The following NRXN3 variants were observed in gnomAD, a reference collection of about 807,000 sequenced individuals.
The protein encoded by NRXN3 is neurexin 3, also known as neurexin III.
Under a neutral mutation model 137.6 loss-of-function variants are expected in NRXN3, and 32 were observed. The ratio of observed to expected loss-of-function variants is 0.23; its 90% CI spans 0.18 to 0.31. The LOEUF (loss-of-function observed/expected upper bound fraction) is 0.31, where lower values mean the gene tolerates loss of function less well. Ranked by LOEUF, NRXN3 falls within the 10% of genes least tolerant of loss-of-function variation. The pLI is 1.00. For synonymous variants in NRXN3, 798 were observed against 784.5 expected, an observed-to-expected ratio of 1.02 and a Z score of -0.29; for missense variants, 1,574 against 2,062.5, an observed-to-expected ratio of 0.76 and a Z score of 4.59.
At chr14:79,445,978 T>A (rs1235090460) in intron 15 of NRXN3, among the ~76,000 whole-genome samples, 1 of 152,092 alleles carries the variant, frequency 6.6e-6, no homozygotes, top group Non-Finnish European at 1.5e-5. Context: ...CAGGCCTCCT[T>A]AAAGATCCAT....
chr14:79,648,958 T>C (rs1373558676), intron 16 of NRXN3, among the ~76,000 whole-genome samples: 2 of 152,194 alleles, frequency 1.3e-5, no homozygotes, highest in Admixed American at 1.3e-4. Flanking sequence ...AGAAAGTTTT[T>C]TGAAGTCAAT....
intron 15 of NRXN3, among the ~76,000 whole-genome samples, chr14:79,366,980 CTTTTTTTT>C: frequency 8.8e-6 from 1 of 113,216 alleles, no homozygotes; most frequent in East Asian, 2.7e-4. Context: ...GTCCCTTAGT[CTTTTTTTT>C]TTTTTTTTTT....
chr14:79,501,082 G>C (rs921263834), intron 16 of NRXN3, among the ~76,000 whole-genome samples: 2 of 152,104 alleles, frequency 1.3e-5, no homozygotes, highest in African/African-American at 4.8e-5. Context: ...GTTCCAACAG[G>C]CCTAGGGATC....
Position 79,482,074 on chromosome 14 carries a change from T to C in NRXN3, c.3444+14672T>C, listed in dbSNP as rs1225179575. Among the ~76,000 whole-genome samples, 6 of 152,310 alleles carry C rather than the reference T, an allele frequency of 3.9e-5. No homozygotes were observed. The East Asian group carries it at 1.2e-3, about 29-fold the overall frequency. ...GCAAATCTTGTGACCTCCGGAATAA[T>C]GGTTGGTAATTATTTAACTCTGCCT... On this transcript the variant is annotated intron_variant, in intron 16 of 20. Coordinates refer to ENST00000335750, the MANE Select transcript of NRXN3 (RefSeq NM_001330195.2).
At chr14:78,917,363 G>A (rs1036811130) in intron 10 of NRXN3, among the ~76,000 whole-genome samples, 2 of 152,188 alleles carry the variant, frequency 1.3e-5, no homozygotes, top group Non-Finnish European at 2.9e-5. Flanking sequence ...TGGATACTAG[G>A]GTTATTACCT....
At chr14:79,670,120 C>T in intron 17 of NRXN3, among the ~76,000 whole-genome samples, 1 of 151,978 alleles carries the variant, frequency 6.6e-6, no homozygotes, top group South Asian at 2.1e-4. Context: ...TCATTCAGTC[C>T]TCACTCCAAC....
At chr14:79,367,623 G>C (rs574290049) in intron 15 of NRXN3, among the ~76,000 whole-genome samples, 1 of 152,238 alleles carries the variant, frequency 6.6e-6, no homozygotes, top group African/African-American at 2.4e-5. Context: ...GTCAGACACA[G>C]TGCCAAAGAT....
At chr14:79,051,229 A>T (rs2099641447) in intron 15 of NRXN3, among the ~76,000 whole-genome samples, 1 of 152,186 alleles carries the variant, frequency 6.6e-6, no homozygotes, top group South Asian at 2.1e-4. Context: ...CTGAAAAAAA[A>T]ATAGCTAAAA....
At chr14:79,766,301 C>A (rs540703778) in intron 19 of NRXN3, among the ~76,000 whole-genome samples, 1 of 152,314 alleles carries the variant, frequency 6.6e-6, no homozygotes, top group African/African-American at 2.4e-5. Context: ...GTGGCTGCCA[C>A]TCTATCTAGT....
chr14:78,925,575 G>A (rs1197462218), intron 10 of NRXN3, among the ~76,000 whole-genome samples: 2 of 152,168 alleles, frequency 1.3e-5, no homozygotes, highest in Admixed American at 6.5e-5. Context: ...TGTCAACACA[G>A]GTGACCCCTC....
At chr14:79,750,207 C>T (rs1178915768) in intron 19 of NRXN3, among the ~76,000 whole-genome samples, 6 of 152,222 alleles carry the variant, frequency 3.9e-5, no homozygotes, top group Non-Finnish European at 7.4e-5. Flanking sequence ...AATAGGGACT[C>T]AGCCTAGTTG....
At chr14:79,217,192 A>G (rs1050861116) in intron 15 of NRXN3, among the ~76,000 whole-genome samples, 8 of 150,818 alleles carry the variant, frequency 5.3e-5, no homozygotes, top group African/African-American at 1.9e-4. Flanking sequence ...CCAAAGTTCT[A>G]TAGGCTGTAT....
At chr14:78,988,331 A>C (rs1195736186) in intron 15 of NRXN3, 190 bp downstream of exon 15, 1 of 652,312 alleles carries the variant, frequency 1.5e-6, no homozygotes, top group Non-Finnish European at 2.6e-6. Context: ...GCTTAACAAC[A>C]CTAAATATTC....
intron 20 of NRXN3, among the ~76,000 whole-genome samples, chr14:79,810,198 G>GA (rs1001391805): frequency 8.1e-4 from 119 of 147,094 alleles, no homozygotes; most frequent in African/African-American, 2.3e-3. Context: ...AGAGCAGAGC[G>GA]AAAAAAAAAA....
intron 4 of NRXN3, among the ~76,000 whole-genome samples, chr14:78,557,244 G>A (rs1023994910): frequency 3.4e-5 from 5 of 145,594 alleles, no homozygotes; most frequent in Non-Finnish European, 4.5e-5. Context: ...TTGTAGAGAT[G>A]CAGTCTCCCC....
intron 4 of NRXN3, among the ~76,000 whole-genome samples, chr14:78,516,974 C>T (rs2096218012): frequency 1.3e-5 from 2 of 152,090 alleles, no homozygotes; most frequent in South Asian, 4.1e-4. Flanking sequence ...AAAAGAAGGG[C>T]ATGAGATTAT....
intron 16 of NRXN3, among the ~76,000 whole-genome samples, chr14:79,522,782 G>A (rs74070271): frequency 0.035 from 5,259 of 152,154 alleles, 308 homozygotes; most frequent in African/African-American, 0.12. Context: ...ATTCAGGTGG[G>A]AGCTGCCATA....
At chr14:79,354,479 A>G (rs2093348034) in intron 15 of NRXN3, among the ~76,000 whole-genome samples, 1 of 152,186 alleles carries the variant, frequency 6.6e-6, no homozygotes, top group South Asian at 2.1e-4. Context: ...TTACTTGACC[A>G]CAGCAAAGAT....
intron 16 of NRXN3, among the ~76,000 whole-genome samples, chr14:79,651,627 G>T (rs1258458082): frequency 6.6e-6 from 1 of 152,006 alleles, no homozygotes; most frequent in African/African-American, 2.4e-5. Flanking sequence ...AGAGATTGTG[G>T]GATAATTAGA....
Sources: allele counts gnomAD v4.1 joint callset (sites outside exome capture counted in the v4.1 genomes callset), GRCh38; gene constraint gnomAD v4.1.1; transcripts MANE v1.5; gene names NCBI Gene and HGNC (gene_info 2026-07-23, HGNC 2026-07-21).